Variants in RPSA2 observed in about 807,000 individuals in gnomAD.
The protein encoded by RPSA2 is ribosomal protein SA 2.
chr19:23,854,575 A>G, the RPSA2 span, among the ~76,000 whole-genome samples: 148,947 of 152,296 alleles, frequency 0.98, 72,929 homozygotes, highest in Middle Eastern at 1. Flanking sequence ...AGGGATTTCC[A>G]TCTATATCAG....
At chr19:23,836,436 G>T in the RPSA2 span, among the ~76,000 whole-genome samples, 2 of 152,070 alleles carry the variant, frequency 1.3e-5, no homozygotes, top group Non-Finnish European at 2.9e-5. Flanking sequence ...CATTTTGGTT[G>T]GTTCCAGAAT....
At chr19:23,829,355 C>T in the RPSA2 span, among the ~76,000 whole-genome samples, 1 of 152,068 alleles carries the variant, frequency 6.6e-6, no homozygotes, top group Non-Finnish European at 1.5e-5. Flanking sequence ...TGCTGGAGTG[C>T]AATGGCATTG....
chr19:23,767,990 C>G, the RPSA2 span, among the ~76,000 whole-genome samples: 3 of 152,030 alleles, frequency 2.0e-5, no homozygotes, highest in East Asian at 5.8e-4. Flanking sequence ...TGGTCTGGAA[C>G]TCCTGACCTT....
the RPSA2 span, among the ~76,000 whole-genome samples, chr19:23,813,536 A>AT: frequency 1.3e-4 from 19 of 151,842 alleles, no homozygotes; most frequent in Admixed American, 5.3e-4. Context: ...GATTTTTAAG[A>AT]TTTTTTTTAA....
the RPSA2 span, chr19:23,827,325 G>T: frequency 1.3e-6 from 2 of 1,580,758 alleles, no homozygotes; most frequent in South Asian, 2.2e-5. Flanking sequence ...AAGAGGACCT[G>T]GGAGAAGCTT....
chr19:23,839,580 G>A, the RPSA2 span, among the ~76,000 whole-genome samples: 14 of 152,350 alleles, frequency 9.2e-5, no homozygotes, highest in Admixed American at 4.6e-4. Flanking sequence ...CACCTGTGAA[G>A]TGTTCAAGCC....
the RPSA2 span, among the ~76,000 whole-genome samples, chr19:23,810,176 G>A: frequency 5.8e-4 from 88 of 152,068 alleles, 1 homozygote; most frequent in African/African-American, 1.8e-3. Flanking sequence ...GGTGGATCAC[G>A]AGGTCAGGAG....
At chr19:23,795,696 CT>C in the RPSA2 span, among the ~76,000 whole-genome samples, 1 of 152,100 alleles carries the variant, frequency 6.6e-6, no homozygotes, top group Non-Finnish European at 1.5e-5. Flanking sequence ...CCAGGACTTC[CT>C]ATTTTATGTT....
the RPSA2 span, among the ~76,000 whole-genome samples, chr19:23,769,002 C>A: frequency 1.3e-5 from 2 of 152,152 alleles, no homozygotes; most frequent in South Asian, 2.1e-4. Flanking sequence ...TTCAGCCGGG[C>A]CTTGCCCACA....
the RPSA2 span, among the ~76,000 whole-genome samples, chr19:23,791,292 G>A: frequency 7.2e-5 from 11 of 152,112 alleles, no homozygotes; most frequent in Admixed American, 4.6e-4. Flanking sequence ...GAGTCACTGC[G>A]CCAGCCCTAG....
At chr19:23,852,591 T>A in the RPSA2 span, among the ~76,000 whole-genome samples, 8 of 149,208 alleles carry the variant, frequency 5.4e-5, no homozygotes, top group Admixed American at 5.4e-4. Flanking sequence ...TGTTTTTGTT[T>A]GCGGCTTAAG....
chr19:23,819,110 A>G, the RPSA2 span: 6 of 152,208 alleles, frequency 3.9e-5, no homozygotes, highest in Non-Finnish European at 8.8e-5. Flanking sequence ...AAGCAACAGG[A>G]CAATAGTAAA....
the RPSA2 span, among the ~76,000 whole-genome samples, chr19:23,841,282 G>A: frequency 6.6e-6 from 1 of 152,040 alleles, no homozygotes; most frequent in Admixed American, 6.6e-5. Flanking sequence ...GGCTAACATG[G>A]TGAAACCCCG....
the RPSA2 span, among the ~76,000 whole-genome samples, chr19:23,773,434 C>T: frequency 6.6e-6 from 1 of 152,000 alleles, no homozygotes; most frequent in Non-Finnish European, 1.5e-5. Flanking sequence ...CAGGCACGCA[C>T]CACCATGCCC....
chr19:23,848,086 T>A, the RPSA2 span, among the ~76,000 whole-genome samples: 3 of 152,188 alleles, frequency 2.0e-5, no homozygotes, highest in African/African-American at 7.2e-5. Context: ...GTTAACACAA[T>A]TATCACAAGG....
At chr19:23,761,558 T>C in the RPSA2 span, among the ~76,000 whole-genome samples, 5 of 152,160 alleles carry the variant, frequency 3.3e-5, no homozygotes, top group African/African-American at 9.7e-5. Context: ...CCCTGTAAAC[T>C]ATCACTGTTA....
the RPSA2 span, among the ~76,000 whole-genome samples, chr19:23,800,635 T>C: frequency 6.6e-6 from 1 of 151,072 alleles, no homozygotes; most frequent in Non-Finnish European, 1.5e-5. Context: ...TTTTCTTAGA[T>C]GGAATTTCAC....
the RPSA2 span, among the ~76,000 whole-genome samples, chr19:23,768,888 C>G: frequency 6.6e-6 from 1 of 151,688 alleles, no homozygotes; most frequent in East Asian, 2.0e-4. Context: ...GTGCTTGGCC[C>G]CCTTTAACTA....
chr19:23,800,136 C>G, the RPSA2 span, among the ~76,000 whole-genome samples: 1 of 148,208 alleles, frequency 6.7e-6, no homozygotes, highest in Non-Finnish European at 1.5e-5. Context: ...TCAAGTGATT[C>G]TCCTGCCTCA....
Sources: gnomAD v4.1 joint callset for allele counts (sites outside exome capture counted in the v4.1 genomes callset) on GRCh38, gnomAD v4.1.1 for gene constraint, MANE v1.5 for transcripts, NCBI Gene and HGNC (gene_info 2026-07-23, HGNC 2026-07-21) for gene names.